CSMD1: variants seen among roughly 807,000 people sequenced by gnomAD.
CSMD1 encodes CUB and sushi domain-containing protein 1.
In CSMD1, 213 loss-of-function variants were observed where a neutral mutation model predicts 417.5. The observed-to-expected ratio is 0.51, with a 90% confidence interval of 0.46 to 0.57. The LOEUF is 0.57. Among genes scored for constraint, CSMD1 ranks in the 20% least tolerant of loss-of-function variants. The pLI is 0.00. For synonymous variants in CSMD1, 2,862 were observed against 1,736.8 expected, an observed-to-expected ratio of 1.65 and a Z score of -16.11; for missense variants, 6,923 against 4,529.7, an observed-to-expected ratio of 1.53 and a Z score of -15.17.
intron 2 of CSMD1, among the ~76,000 whole-genome samples, chr8:4,450,818 A>G (rs1335575417): frequency 6.6e-6 from 1 of 152,220 alleles, no homozygotes; most frequent in Non-Finnish European, 1.5e-5. Context: ...AGGCATAAAC[A>G]TACTGCACTT....
At chr8:4,964,286 G>A (rs1026729506) in intron 1 of CSMD1, among the ~76,000 whole-genome samples, 1 of 151,826 alleles carries the variant, frequency 6.6e-6, no homozygotes, top group African/African-American at 2.4e-5. Flanking sequence ...GGCAAAGGGG[G>A]GCAAATTGCT....
rs765593184 is a variant in CSMD1, at chr8:4,637,422, G to C, written c.222C>G (p.Phe74Leu). Residue 74 changes from phenylalanine (F) to leucine (L), a missense_variant, in exon 2 of 70, where the codon TTC becomes TTG. Phe to Leu is a conservative substitution (Grantham distance 22). Coordinates refer to ENST00000635120, the MANE Select transcript of CSMD1 (RefSeq NM_033225.6). The part of the protein sequence containing the change: ...TGERNRIQLS[F>L]HTFALEEDFD... ...AATCTTCTTCAAGAGCAAAGGTATG[G>C]AAGGACAACTGTATCCTATTGCGCT... 6.2e-7 allele frequency: 1 copy of C among 1,613,840 alleles called. No homozygotes were observed. The highest frequency in any genetic ancestry group is 8.5e-7 in the Non-Finnish European group (1 of 1,179,882).
At chr8:3,962,096 C>A (rs1399904110) in intron 5 of CSMD1, among the ~76,000 whole-genome samples, 3 of 152,186 alleles carry the variant, frequency 2.0e-5, no homozygotes, top group Admixed American at 6.5e-5. Flanking sequence ...AGCTTGGACT[C>A]AGACCCAGCC....
At chr8:3,643,504 C>G (rs970692982) in intron 7 of CSMD1, among the ~76,000 whole-genome samples, 1 of 151,698 alleles carries the variant, frequency 6.6e-6, no homozygotes. Context: ...AGATCGAAAC[C>G]ATCCTGGCTA....
intron 12 of CSMD1, among the ~76,000 whole-genome samples, chr8:3,438,220 G>A (rs1814701357): frequency 6.6e-6 from 1 of 152,100 alleles, no homozygotes; most frequent in South Asian, 2.1e-4. Flanking sequence ...GTTGTAAGAG[G>A]TAATACAAAG....
At chr8:4,474,809 T>C (rs1236764717) in intron 2 of CSMD1, among the ~76,000 whole-genome samples, 1 of 152,160 alleles carries the variant, frequency 6.6e-6, no homozygotes, top group Non-Finnish European at 1.5e-5. Flanking sequence ...GGAGGAAGAA[T>C]TTTGTGACCC....
chr8:3,797,707 A>G (rs1361124348), intron 5 of CSMD1, among the ~76,000 whole-genome samples: 1 of 151,984 alleles, frequency 6.6e-6, no homozygotes, highest in African/African-American at 2.4e-5. Context: ...GGCTAATACA[A>G]ACAAAGCTGC....
At chr8:2,943,183 C>T (rs1802006135) in intron 68 of CSMD1, among the ~76,000 whole-genome samples, 3 of 151,272 alleles carry the variant, frequency 2.0e-5, no homozygotes, top group African/African-American at 4.9e-5. Flanking sequence ...CATGAAGACA[C>T]AAAATAATGC....
intron 5 of CSMD1, among the ~76,000 whole-genome samples, chr8:3,913,628 G>C (rs143676458): frequency 3.9e-5 from 6 of 152,298 alleles, no homozygotes; most frequent in African/African-American, 9.6e-5. Flanking sequence ...TAGGGAAGTG[G>C]TGGAGTCATC....
intron 7 of CSMD1, among the ~76,000 whole-genome samples, chr8:3,653,942 T>C (rs1797981250): frequency 6.6e-6 from 1 of 152,234 alleles, no homozygotes; most frequent in African/African-American, 2.4e-5. Context: ...ACAAGTTTCA[T>C]TTCACCCATG....
At chr8:3,516,875 CAT>C (rs1053742938) in intron 10 of CSMD1, among the ~76,000 whole-genome samples, 4 of 152,202 alleles carry the variant, frequency 2.6e-5, no homozygotes, top group East Asian at 1.9e-4. Flanking sequence ...CTTGCACACA[CAT>C]GTTTATAGCA....
intron 6 of CSMD1, among the ~76,000 whole-genome samples, chr8:3,721,980 C>T (rs552804288): frequency 6.6e-6 from 1 of 152,150 alleles, no homozygotes; most frequent in Non-Finnish European, 1.5e-5. Context: ...CTGCTGTCCC[C>T]AAGCCCCCCA....
chr8:4,021,226 AT>A (rs1400783222), intron 4 of CSMD1, among the ~76,000 whole-genome samples: 1 of 152,254 alleles, frequency 6.6e-6, no homozygotes, highest in East Asian at 1.9e-4. Context: ...TGAAACTAGC[AT>A]CTTTTGAAAA....
chr8:4,061,939 G>T (rs975044154), intron 3 of CSMD1, among the ~76,000 whole-genome samples: 1 of 152,168 alleles, frequency 6.6e-6, no homozygotes, highest in Admixed American at 6.5e-5. Context: ...ACTAACGAAA[G>T]ATTCTTCATC....
chr8:3,259,573 A>C (rs1800905074), intron 26 of CSMD1, among the ~76,000 whole-genome samples: 1 of 152,210 alleles, frequency 6.6e-6, no homozygotes, highest in African/African-American at 2.4e-5. Flanking sequence ...CATTACAATG[A>C]TTAGTTGTTA....
chr8:4,241,126 C>T (rs1382470389), intron 3 of CSMD1, among the ~76,000 whole-genome samples: 1 of 152,100 alleles, frequency 6.6e-6, no homozygotes, highest in Non-Finnish European at 1.5e-5. Context: ...TCAATGAACC[C>T]TAGCTTCACT....
At chr8:4,897,800 C>G (rs565704696) in intron 1 of CSMD1, among the ~76,000 whole-genome samples, 2 of 152,134 alleles carry the variant, frequency 1.3e-5, no homozygotes, top group African/African-American at 4.8e-5. Flanking sequence ...GTAGATGATA[C>G]AGAAGAGACA....
chr8:4,202,030 G>C (rs1423589049), intron 3 of CSMD1, among the ~76,000 whole-genome samples: 1 of 152,114 alleles, frequency 6.6e-6, no homozygotes, highest in Non-Finnish European at 1.5e-5. Context: ...CGAGGACATT[G>C]GAATCTCCCA....
chr8:3,982,747 G>C lies in CSMD1; in HGVS notation c.818+15156C>G, dbSNP rs371429272. Among the ~76,000 whole-genome samples the C allele has an allele frequency of 8.5e-5, 13 of 152,242 alleles. No individual in the cohort carries two copies. The East Asian group carries it at 2.5e-3, about 30-fold the overall frequency. On this transcript the variant is annotated intron_variant, in intron 5 of 69. Coordinates refer to ENST00000635120, the MANE Select transcript of CSMD1 (RefSeq NM_033225.6). The stretch of plus-strand genomic sequence containing the variant: ...CGGCATCTGTAGGAGGCTTAACGTG[G>C]AAGGAGCTGCCCACAGATAATGGAC...
Sources: allele counts gnomAD v4.1 joint callset (sites outside exome capture counted in the v4.1 genomes callset), GRCh38; gene constraint gnomAD v4.1.1; transcripts MANE v1.5; gene names NCBI Gene and HGNC (gene_info 2026-07-23, HGNC 2026-07-21).